Variants in FAM32A observed in about 807,000 individuals in gnomAD.
FAM32A encodes protein FAM32A.
A neutral mutation model predicts 15.8 loss-of-function variants in FAM32A; 9 were observed. The observed-to-expected ratio is 0.57, with a 90% CI of 0.34 to 1.00. The LOEUF is 1.00. Ranked by LOEUF, FAM32A falls within the 50% of genes least tolerant of loss-of-function variation. The pLI, the probability that FAM32A is intolerant of heterozygous loss-of-function variation, is 0.02. For synonymous variants in FAM32A, 64 were observed against 54.9 expected (o/e 1.16, Z -0.73); for missense variants, 113 against 138.3 (o/e 0.82, Z 0.92).
chr19:16,186,562 CCA>C (rs1196770354), intron 2 of FAM32A: 6 of 152,224 alleles, frequency 3.9e-5, no homozygotes, highest in Non-Finnish European at 7.3e-5. Flanking sequence ...GCCACCGCAC[CCA>C]GTCTCAGCTG....
In FAM32A at chr19:16,185,423, C is replaced by G. The variant is rs375860948; in HGVS notation, c.-20C>G. 6.5e-5 allele frequency: 100 copies of G among 1,549,606 alleles called. No individual in the cohort carries two copies. The African/African-American group carries it at 1.2e-3, about 19-fold the overall frequency. ...AACAGGAAGTGTGGCACTCCAGCTA[C>G]CGAAGCACTGGAGAGTGTCATGGAG... On this transcript the variant is annotated 5_prime_UTR_variant, in exon 1 of 4. Transcript: ENST00000263384.
rs71178652 is a variant in FAM32A at position 16,189,668 on chromosome 19, C to CTTTTTTTTTTTTTTTTTTTTTTT, written c.217-848_217-826dup. On this transcript the variant is annotated intron_variant, in intron 2 of 3. Coordinates refer to ENST00000263384, the MANE Select transcript of FAM32A (RefSeq NM_014077.4). Reference sequence around the variant, plus strand: ...TGGCTTTATATCCCACACTCCAACTCTTTTTTTTTTTTTTTTTTTTTTTTT... The same window carrying CTTTTTTTTTTTTTTTTTTTTTTT: ...TGGCTTTATATCCCACACTCCAACTCTTTTTTTTTTTTTTTTTTTTTTTTTTTTTTTTTTTTTTTTTTTTTTTT... Among the ~76,000 whole-genome samples, 41 of 58,584 alleles carry CTTTTTTTTTTTTTTTTTTTTTTT rather than the reference C, an allele frequency of 7.0e-4. 7 individuals are homozygous for CTTTTTTTTTTTTTTTTTTTTTTT. The highest frequency in any genetic ancestry group is 9.9e-4 in the Non-Finnish European group (32 of 32,432). 38.4% of individuals were successfully genotyped at this position (58,584 alleles called of 152,430 possible).
intron 2 of FAM32A, among the ~76,000 whole-genome samples, chr19:16,187,044 T>C (rs572788343): frequency 3.0e-4 from 46 of 152,274 alleles, no homozygotes; most frequent in African/African-American, 1.1e-3. Flanking sequence ...ATTAACTCCT[T>C]ACTCCCAGAT....
intron 2 of FAM32A, among the ~76,000 whole-genome samples, chr19:16,187,109 T>C (rs1454661415): frequency 6.6e-6 from 1 of 152,162 alleles, no homozygotes; most frequent in Non-Finnish European, 1.5e-5. Flanking sequence ...ATGACAGACC[T>C]GAGTTTGACT....
chr19:16,186,232 TGCTC>T (rs2091385448), intron 2 of FAM32A: 1 of 157,870 alleles, frequency 6.3e-6, no homozygotes, highest in Non-Finnish European at 1.4e-5. Flanking sequence ...TAAATGGCCA[TGCTC>T]GCCGCTCGAA....
intron 2 of FAM32A, among the ~76,000 whole-genome samples, chr19:16,189,767 C>T (rs1423986498): frequency 2.7e-5 from 4 of 147,302 alleles, no homozygotes; most frequent in African/African-American, 1.0e-4. Context: ...GCCTCAACCT[C>T]CTGGGTCAAG....
intron 2 of FAM32A, among the ~76,000 whole-genome samples, chr19:16,188,486 C>T (rs1409341953): frequency 6.6e-6 from 1 of 152,240 alleles, no homozygotes; most frequent in Non-Finnish European, 1.5e-5. Flanking sequence ...CACAGTGGCT[C>T]ATGCCTGTAA....
chr19:16,185,487 A>G lies in FAM32A; in HGVS notation c.45A>G (p.Lys15=). 1 of 1,564,504 alleles carries G rather than the reference A, an allele frequency of 6.4e-7. No individual in the cohort carries two copies. Among genetic ancestry groups the G allele is most frequent in the Non-Finnish European group, 8.7e-7 (1 of 1,153,960 alleles). ...EQVQKGPLKL[K]GVAELGVTKR... is the part of the protein sequence containing the mutation. The stretch of plus-strand genomic sequence containing the variant: ...TCCAAAAGGGACCCCTGAAGCTGAA[A>G]GGCGTCGCAGAGCTGGGAGTGACCA... Residue 15 remains lysine, a synonymous_variant, in exon 1 of 4, where the codon AAA becomes AAG. Coordinates refer to ENST00000263384, the MANE Select transcript of FAM32A (RefSeq NM_014077.4).
chr19:16,189,666 C>CTTTTTTTTTTTTTTTTTTT (rs1568343374), intron 2 of FAM32A, among the ~76,000 whole-genome samples: 1 of 83,636 alleles, frequency 1.2e-5, no homozygotes, highest in Non-Finnish European at 2.4e-5. Flanking sequence ...CACACTCCAA[C>CTTTTTTTTTTTTTTTTTTT]TCTTTTTTTT....
intron 2 of FAM32A, among the ~76,000 whole-genome samples, chr19:16,190,123 G>A (rs2091400223): frequency 6.6e-6 from 1 of 152,280 alleles, no homozygotes; most frequent in Non-Finnish European, 1.5e-5. Context: ...GATGGGAAGT[G>A]TCACTTGAGC....
chr19:16,188,177 C>T lies in FAM32A; in HGVS notation c.217-2343C>T, dbSNP rs896202706. 2.0e-5 allele frequency among the ~76,000 whole-genome samples: 3 copies of T among 152,120 alleles called. No homozygotes were observed. In the South Asian group the frequency reaches 6.2e-4, roughly 31 times the overall value. The stretch of plus-strand genomic sequence containing the variant: ...TATTAAGAGACTAATAATGGGAGCT[C>T]AGAGTAGAGCAGTCGTGATGGAGCC... On this transcript the variant is annotated intron_variant, in intron 2 of 3. Coordinates refer to ENST00000263384, the MANE Select transcript of FAM32A (RefSeq NM_014077.4).
rs1214244636 is a variant in FAM32A at position 16,185,711 on chromosome 19, C to T, written c.162C>T (p.Gly54=). The part of the protein sequence containing the change: ...SKKNEEEKRR[G]LDKRTPAQAA... ...AGAACGAGGAGGAGAAGCGGCGCGGCCTGGACAAGCGGACCCCGGCCCAGG... is the reference window on the plus strand; with the variant it reads ...AGAACGAGGAGGAGAAGCGGCGCGGTCTGGACAAGCGGACCCCGGCCCAGG... The change falls in exon 2 of 4, where the codon GGC becomes GGT. Residue 54 remains glycine, a synonymous_variant. Transcript: ENST00000263384. 5 of 1,561,238 alleles carry T rather than the reference C, an allele frequency of 3.2e-6. No homozygotes were observed. The highest frequency in any genetic ancestry group is 2.7e-5 in the African/African-American group (2 of 73,856).
At chr19:16,187,784 TGTC>T (rs1229236859) in intron 2 of FAM32A, among the ~76,000 whole-genome samples, 1 of 144,554 alleles carries the variant, frequency 6.9e-6, no homozygotes, top group Non-Finnish European at 1.5e-5. Flanking sequence ...CTCGCTCTGT[TGTC>T]CAGGCTGGAG....
intron 2 of FAM32A, chr19:16,186,265 T>G (rs2091385622): frequency 6.5e-6 from 1 of 154,838 alleles, no homozygotes; most frequent in Admixed American, 6.5e-5. Context: ...AAAGTTTGTT[T>G]CCAAGACAAC....
At chr19:16,188,624 G>A (rs1435577215) in intron 2 of FAM32A, among the ~76,000 whole-genome samples, 2 of 152,212 alleles carry the variant, frequency 1.3e-5, no homozygotes, top group African/African-American at 4.8e-5. Context: ...ACGCCTGTGG[G>A]CAGAGCCCAG....
intron 2 of FAM32A, among the ~76,000 whole-genome samples, chr19:16,187,103 C>G (rs952867032): frequency 8.5e-5 from 13 of 152,150 alleles, no homozygotes; most frequent in Non-Finnish European, 8.8e-5. Context: ...TCTGGCATGA[C>G]AGACCTGAGT....
At chr19:16,188,887 GC>G (rs2091395401) in intron 2 of FAM32A, among the ~76,000 whole-genome samples, 1 of 152,146 alleles carries the variant, frequency 6.6e-6, no homozygotes, top group Admixed American at 6.5e-5. Flanking sequence ...GGTTGACTGG[GC>G]TTAGCAGGGT....
In FAM32A at chr19:16,191,064, A is replaced by G; in HGVS notation, c.*109A>G. The G allele has an allele frequency of 6.0e-6, 5 of 829,798 alleles. No individual in the cohort carries two copies. Among genetic ancestry groups the G allele is most frequent in the Non-Finnish European group, 1.0e-5 (5 of 487,200 alleles). 51.4% of individuals were successfully genotyped at this position (829,798 alleles called of 1,614,324 possible). A position where few individuals can be genotyped will look rare whatever the true frequency, so the allele number is the denominator to read the frequency against. On this transcript the variant is annotated 3_prime_UTR_variant, in exon 4 of 4. Coordinates refer to ENST00000263384, the MANE Select transcript of FAM32A (RefSeq NM_014077.4). ...GAAACATGGCTACACACACCCTTGC[A>G]TCTTCTGCTACAGACTGCTTTTCGA...
At position 16,189,668 on chromosome 19, in the gene FAM32A, C is replaced by CTTTT. The variant is rs71178652; in HGVS notation, c.217-829_217-826dup. 4.3e-3 allele frequency among the ~76,000 whole-genome samples: 254 copies of CTTTT among 58,572 alleles called. 42 individuals are homozygous for CTTTT. The highest frequency in any genetic ancestry group is 0.016 in the East Asian group (23 of 1,476). 38.4% of individuals were successfully genotyped at this position (58,572 alleles called of 152,430 possible). A position where few individuals can be genotyped will look rare whatever the true frequency, so the allele number is the denominator to read the frequency against. ...TGGCTTTATATCCCACACTCCAACT[C>CTTTT]TTTTTTTTTTTTTTTTTTTTTTTTT... On this transcript the variant is annotated intron_variant, in intron 2 of 3. Coordinates refer to ENST00000263384, the MANE Select transcript of FAM32A (RefSeq NM_014077.4).
Sources: allele counts gnomAD v4.1 joint callset (sites outside exome capture counted in the v4.1 genomes callset), GRCh38; gene constraint gnomAD v4.1.1; transcripts MANE v1.5; gene names NCBI Gene and HGNC (gene_info 2026-07-23, HGNC 2026-07-21).